BRWD3: variants seen among roughly 807,000 people sequenced by gnomAD.
BRWD3 encodes the protein bromodomain and WD repeat domain containing 3, also known as bromodomain and WD repeat-containing protein 3.
Under a neutral mutation model 149.7 loss-of-function variants are expected in BRWD3, and 10 were observed. The ratio of observed to expected loss-of-function variants is 0.07; its 90% CI spans 0.04 to 0.11. The LOEUF (loss-of-function observed/expected upper bound fraction) is 0.11. Ranked by LOEUF, BRWD3 falls within the 10% of genes least tolerant of loss-of-function variation. The probability of loss-of-function intolerance (pLI) is 1.00; values close to 1 mark genes in which losing one functional copy is unlikely to be tolerated. For missense variants in BRWD3, 940 were observed against 1,373.2 expected (o/e 0.68, Z 4.99); for synonymous variants, 504 against 456.7 (o/e 1.10, Z -1.32).
Position 80,752,954 on chromosome X carries a change from C to T in BRWD3, c.431-7225G>A, listed in dbSNP as rs186405096. On this transcript the variant is annotated intron_variant, in intron 6 of 40. Coordinates refer to ENST00000373275, the MANE Select transcript of BRWD3 (RefSeq NM_153252.5). Reference sequence around the variant, plus strand: ...TGCTGGGACTATAGGCGTGAACCACCACGCCTGGCCGATCATTTTTTTGTA... The same window carrying T: ...TGCTGGGACTATAGGCGTGAACCACTACGCCTGGCCGATCATTTTTTTGTA... Among the ~76,000 whole-genome samples, 4 of 112,212 alleles carry T rather than the reference C, an allele frequency of 3.6e-5. No homozygotes were observed. In the Admixed American group the frequency reaches 3.8e-4, roughly 11 times the overall value.
At chrX:80,718,264 A>G (rs1321161176) in intron 18 of BRWD3, among the ~76,000 whole-genome samples, 1 of 112,298 alleles carries the variant, frequency 8.9e-6, no homozygotes, top group African/African-American at 3.2e-5. Context: ...AAACAAAGTA[A>G]CAGAAGTTTT....
chrX:80,722,340 G>A (rs375613891), intron 17 of BRWD3, among the ~76,000 whole-genome samples: 1 of 111,683 alleles, frequency 9.0e-6, no homozygotes, highest in South Asian at 3.7e-4. Context: ...TTATCTGCTT[G>A]ATGCTTATGT....
chrX:80,727,746 T>G (rs1484137237), intron 14 of BRWD3, among the ~76,000 whole-genome samples: 2 of 111,052 alleles, frequency 1.8e-5, no homozygotes, highest in African/African-American at 6.5e-5. Context: ...TAATTCCTAC[T>G]TATCTTTCAA....
In BRWD3 at chrX:80,729,927, A is replaced by G; in HGVS notation, c.1221T>C (p.Thr407=). ...ACATATATTCTTACCCAGTCATTTT[A>G]GTAGCCATGTCTAGCACTATACTCT... The part of the protein sequence containing the change: ...EWKSIVLDMA[T]KMTGNNLPSG... The change falls in exon 13 of 41, where the codon ACT becomes ACC. Residue 407 remains threonine, a synonymous_variant. Coordinates refer to ENST00000373275, the MANE Select transcript of BRWD3 (RefSeq NM_153252.5). The G allele has an allele frequency of 8.4e-7, 1 of 1,186,420 alleles. No individual in the cohort carries two copies. The highest frequency in any genetic ancestry group is 2.3e-4 in the Middle Eastern group (1 of 4,295).
At chrX:80,803,304 G>T (rs1222054049) in intron 4 of BRWD3, among the ~76,000 whole-genome samples, 1 of 111,393 alleles carries the variant, frequency 9.0e-6, no homozygotes, top group Non-Finnish European at 1.9e-5. Flanking sequence ...TGACAAAGAT[G>T]CTCAGGACAA....
Position 80,670,227 on chromosome X carries a change from T to C in BRWD3, c.*6382A>G, listed in dbSNP as rs756549795. ...TTGATCTACCTGTGTTTTGTAGCATTAAAAAGCCCTTAAGTATTTATATAA... is the reference window on the plus strand; with the variant it reads ...TTGATCTACCTGTGTTTTGTAGCATCAAAAAGCCCTTAAGTATTTATATAA... On this transcript the variant is annotated 3_prime_UTR_variant, in exon 41 of 41. Transcript: ENST00000373275. Among the ~76,000 whole-genome samples the C allele has an allele frequency of 7.2e-5, 8 of 111,119 alleles. No individual in the cohort carries two copies. Among genetic ancestry groups the C allele is most frequent in the Non-Finnish European group, 1.5e-4 (8 of 53,039 alleles).
At chrX:80,763,257 T>G (rs1314073109) in intron 6 of BRWD3, among the ~76,000 whole-genome samples, 1 of 111,671 alleles carries the variant, frequency 9.0e-6, no homozygotes, top group African/African-American at 3.3e-5. Context: ...TAAGTGGTAG[T>G]CAAGATTCAA....
rs752455416 is a variant in BRWD3, at chrX:80,717,659, A to G, written c.2145T>C (p.Ala715=). ...TTTCAGTGGCCATCTGGCTCCGAGGAGCATTGTTATGCATTTGTCTAACAC... is the reference window on the plus strand; with the variant it reads ...TTTCAGTGGCCATCTGGCTCCGAGGGGCATTGTTATGCATTTGTCTAACAC... ...IEGVRQMHNN[A]PRSQMATERD... The change falls in exon 19 of 41, where the codon GCT becomes GCC. Residue 715 remains alanine (A), a synonymous_variant. Transcript: ENST00000373275. 3 of 1,211,153 alleles carry G rather than the reference A, an allele frequency of 2.5e-6. No individual in the cohort carries two copies. The highest frequency in any genetic ancestry group is 3.5e-5 in the South Asian group (2 of 57,011).
chrX:80,747,180 AC>A (rs1367117187), intron 6 of BRWD3, among the ~76,000 whole-genome samples: 1 of 109,709 alleles, frequency 9.1e-6, no homozygotes, highest in Admixed American at 9.9e-5. Flanking sequence ...GTTCCTTAAA[AC>A]AATCAACCAT....
intron 6 of BRWD3, among the ~76,000 whole-genome samples, chrX:80,753,131 T>A (rs1423612132): frequency 8.9e-6 from 1 of 112,015 alleles, no homozygotes; most frequent in African/African-American, 3.2e-5. Flanking sequence ...AATTTGCAAT[T>A]ATTTTCTCCA....
At chrX:80,713,639 A>G (rs191580426) in intron 20 of BRWD3, among the ~76,000 whole-genome samples, 1,642 of 109,981 alleles carry the variant, frequency 0.015, 22 homozygotes, top group Middle Eastern at 0.051. Context: ...CTATTGTCCT[A>G]TGACCCTGCC....
intron 22 of BRWD3, among the ~76,000 whole-genome samples, chrX:80,706,763 T>C (rs1208456226): frequency 1.8e-5 from 2 of 112,899 alleles, no homozygotes; most frequent in Non-Finnish European, 3.7e-5. Flanking sequence ...AGCAAACTGG[T>C]GTGCACCTGT....
rs2072837195 is a variant in BRWD3 at position 80,704,693 on chromosome X, C to T, written c.2706G>A (p.Lys902=). The change falls in exon 23 of 41, where the codon AAG becomes AAA. Residue 902 remains lysine (K), a synonymous_variant. Transcript: ENST00000373275. The part of the protein sequence containing the change: ...KSLEERQKKP[K]QTRKKKGGLV... ...AGTTACAAACCTTCTTTCTAGTCTG[C>T]TTAGGTTTCTTCTGCCTTTCTTCTA... 8.3e-7 allele frequency: 1 copy of T among 1,209,334 alleles called. No individual in the cohort carries two copies. Among genetic ancestry groups the T allele is most frequent in the Admixed American group, 2.2e-5 (1 of 45,764 alleles).
intron 16 of BRWD3, 44 bp from the exon 17 acceptor site, chrX:80,722,831 A>C: frequency 9.5e-7 from 1 of 1,056,108 alleles, no homozygotes; most frequent in Non-Finnish European, 1.3e-6. Context: ...CAGGGAATTT[A>C]TAAGTAAATA....
intron 4 of BRWD3, among the ~76,000 whole-genome samples, chrX:80,801,068 C>A (rs546287574): frequency 2.7e-5 from 3 of 109,291 alleles, no homozygotes; most frequent in South Asian, 7.9e-4. Flanking sequence ...AACAAAAGAA[C>A]CCAGTACCAA....
chrX:80,681,323 C>T lies in BRWD3; in HGVS notation c.4654+18G>A, dbSNP rs1178889344. The T allele has an allele frequency of 8.4e-7, 1 of 1,195,417 alleles. No homozygotes were observed. The highest frequency in any genetic ancestry group is 1.1e-6 in the Non-Finnish European group (1 of 883,465). On this transcript the variant is annotated intron_variant, in intron 40 of 40. Transcript: ENST00000373275. ...AAGAAATAAATAATAAATGTCTTGTCCTGTATTTATTTCCTACCTTGTTTA... is the reference window on the plus strand; with the variant it reads ...AAGAAATAAATAATAAATGTCTTGTTCTGTATTTATTTCCTACCTTGTTTA...
At chrX:80,774,401 C>T (rs746403224) in intron 6 of BRWD3, among the ~76,000 whole-genome samples, 4 of 110,611 alleles carry the variant, frequency 3.6e-5, no homozygotes, top group African/African-American at 1.3e-4. Flanking sequence ...TCTGGGACTA[C>T]AGGTGTGTGC....
chrX:80,699,710 G>C (rs1312234178), intron 25 of BRWD3, among the ~76,000 whole-genome samples: 1 of 111,501 alleles, frequency 9.0e-6, no homozygotes, highest in Non-Finnish European at 1.9e-5. Context: ...TCCACAAAGG[G>C]GAACTCCTGC....
chrX:80,725,517 G>C (rs1355446883), intron 14 of BRWD3, among the ~76,000 whole-genome samples: 1 of 112,251 alleles, frequency 8.9e-6, no homozygotes, highest in Non-Finnish European at 1.9e-5. Context: ...AAAGCACAGT[G>C]GCTCTGCTCT....
Sources: gnomAD v4.1 joint callset for allele counts (sites outside exome capture counted in the v4.1 genomes callset) on GRCh38, gnomAD v4.1.1 for gene constraint, MANE v1.5 for transcripts, NCBI Gene and HGNC (gene_info 2026-07-23, HGNC 2026-07-21) for gene names.